CSMD3: variants seen among roughly 807,000 people sequenced by gnomAD.
CSMD3 encodes CUB and Sushi multiple domains 3, also known as CUB and sushi domain-containing protein 3.
In CSMD3, 177 loss-of-function variants were observed where a neutral mutation model predicts 435.2. That is an observed-to-expected ratio of 0.41 (90% CI 0.36 to 0.46). CSMD3 has a LOEUF of 0.46. Ranked by LOEUF, CSMD3 falls within the 20% of genes least tolerant of loss-of-function variation. The pLI is 0.34. For missense variants in CSMD3, 4,265 were observed against 4,504.6 expected (o/e 0.95, Z 1.52); for synonymous variants, 1,656 against 1,520.5 (o/e 1.09, Z -2.07).
chr8:112,587,374 T>C (rs963079892), intron 22 of CSMD3, 139 bp from the exon 23 acceptor site: 12 of 643,388 alleles, frequency 1.9e-5, no homozygotes, highest in Non-Finnish European at 3.1e-5. Flanking sequence ...GGCTTTATGT[T>C]GTAAATGATT....
At chr8:113,434,871 C>T (rs1274418176) in intron 1 of CSMD3, among the ~76,000 whole-genome samples, 1 of 152,164 alleles carries the variant, frequency 6.6e-6, no homozygotes, top group African/African-American at 2.4e-5. Context: ...GCTTCGGAGA[C>T]TTCCCTCCCC....
chr8:112,859,140 C>G lies in CSMD3; in HGVS notation c.1755+5G>C, dbSNP rs201442176. The G allele has an allele frequency of 6.2e-7, 1 of 1,609,350 alleles. No homozygotes were observed. Among genetic ancestry groups the G allele is most frequent in the Non-Finnish European group, 8.5e-7 (1 of 1,176,364 alleles). On this transcript the variant is annotated splice_donor_5th_base_variant and intron_variant, in intron 11 of 70. Transcript: ENST00000297405. ...TTTTTTAAATCACAGATGGTGTTCT[C>G]TTACCTTATTTGTATTCACTGCTGT...
chr8:112,893,524 G>T (rs2081862694), intron 10 of CSMD3, among the ~76,000 whole-genome samples: 1 of 151,470 alleles, frequency 6.6e-6, no homozygotes, highest in African/African-American at 2.4e-5. Flanking sequence ...CACTGGCTTA[G>T]ATAAAGTAAC....
rs999023371 is a variant in CSMD3, at chr8:112,776,081, A to C, written c.1972+24081T>G. Among the ~76,000 whole-genome samples the C allele has an allele frequency of 2.6e-5, 4 of 151,838 alleles. No individual in the cohort carries two copies. The South Asian group carries it at 8.3e-4, about 31-fold the overall frequency. On this transcript the variant is annotated intron_variant, in intron 13 of 70. Transcript: ENST00000297405. Reference sequence around the variant, plus strand: ...AGTAAGCCACATAAGGAGAAAATAGATTTTTCAGAGGACAGCTTATCTTTT... The same window carrying C: ...AGTAAGCCACATAAGGAGAAAATAGCTTTTTCAGAGGACAGCTTATCTTTT...
intron 13 of CSMD3, among the ~76,000 whole-genome samples, chr8:112,715,542 G>A (rs1266831858): frequency 1.3e-5 from 2 of 152,186 alleles, no homozygotes; most frequent in African/African-American, 4.8e-5. Context: ...CCAAAGAATT[G>A]AAAAGGAGAG....
chr8:113,075,995 G>A (rs17604488), intron 5 of CSMD3, among the ~76,000 whole-genome samples: 14,415 of 151,480 alleles, frequency 0.095, 886 homozygotes, highest in Middle Eastern at 0.17. Flanking sequence ...AATTTCTCTC[G>A]TATCTTCAAC....
In CSMD3 at chr8:112,506,752, T is replaced by G; in HGVS notation, c.4834A>C (p.Arg1612=). Residue 1612 remains arginine (R), a synonymous_variant, in exon 29 of 71, where the codon AGA becomes CGA. Coordinates refer to ENST00000297405, the MANE Select transcript of CSMD3 (RefSeq NM_198123.2). ...ACGGTGATAGTCCAGTCACAGTCTC[T>G]GCTATGCGGATATGGATGAGGGAAG... ...PNFPHPYPHS[R]DCDWTITVNA... 1 of 1,613,694 alleles carries G rather than the reference T, an allele frequency of 6.2e-7. No individual in the cohort carries two copies. The highest frequency in any genetic ancestry group is 8.5e-7 in the Non-Finnish European group (1 of 1,179,600).
At chr8:112,987,684 G>A (rs2085304486) in intron 6 of CSMD3, among the ~76,000 whole-genome samples, 1 of 152,044 alleles carries the variant, frequency 6.6e-6, no homozygotes, top group Non-Finnish European at 1.5e-5. Context: ...ATACAGTATA[G>A]CATGTAAACA....
At chr8:112,860,829 T>C (rs1313908207) in intron 10 of CSMD3, among the ~76,000 whole-genome samples, 1 of 151,872 alleles carries the variant, frequency 6.6e-6, no homozygotes, top group Non-Finnish European at 1.5e-5. Context: ...TTAAGTAGCA[T>C]AATTCTAAAT....
chr8:112,824,921 A>T (rs1475895072), intron 12 of CSMD3, among the ~76,000 whole-genome samples: 1 of 152,044 alleles, frequency 6.6e-6, no homozygotes, highest in African/African-American at 2.4e-5. Flanking sequence ...TTCCATTCTA[A>T]CCATCTCTTT....
At chr8:113,133,483 T>C (rs527453393) in intron 4 of CSMD3, among the ~76,000 whole-genome samples, 1 of 152,228 alleles carries the variant, frequency 6.6e-6, no homozygotes, top group South Asian at 2.1e-4. Context: ...GTCGGTGAGA[T>C]TGTAAAATGA....
chr8:112,977,658 C>G (rs1418188910), intron 6 of CSMD3, among the ~76,000 whole-genome samples: 1 of 151,920 alleles, frequency 6.6e-6, no homozygotes, highest in African/African-American at 2.4e-5. Flanking sequence ...TCTAGAAATT[C>G]AGAAGTATTA....
intron 32 of CSMD3, among the ~76,000 whole-genome samples, chr8:112,425,414 A>T (rs1159164352): frequency 6.6e-6 from 1 of 152,202 alleles, no homozygotes; most frequent in Non-Finnish European, 1.5e-5. Flanking sequence ...ACAAATCTAA[A>T]GGAAGCCTAT....
chr8:112,763,057 C>T (rs1335972365), intron 13 of CSMD3, among the ~76,000 whole-genome samples: 1 of 151,514 alleles, frequency 6.6e-6, no homozygotes, highest in Non-Finnish European at 1.5e-5. Context: ...GTGTTCTCAC[C>T]ACAAAAATGA....
intron 45 of CSMD3, among the ~76,000 whole-genome samples, chr8:112,320,400 C>T (rs954604586): frequency 6.6e-6 from 1 of 152,126 alleles, no homozygotes; most frequent in Non-Finnish European, 1.5e-5. Context: ...TCAGTGTTTA[C>T]TTTATTCCAG....
rs1332285834 is a variant in CSMD3 at position 112,254,266 on chromosome 8, G to A, written c.10097C>T (p.Thr3366Ile). The A allele has an allele frequency of 6.2e-7, 1 of 1,611,828 alleles. No individual in the cohort carries two copies. The highest frequency in any genetic ancestry group is 1.1e-5 in the South Asian group (1 of 91,060). ...TAAAGTACCCACTTGAAATCCGAATGTATTGTTCTGAGATCCATGCCGAGG... is the reference window on the plus strand; with the variant it reads ...TAAAGTACCCACTTGAAATCCGAATATATTGTTCTGAGATCCATGCCGAGG... ...GVPRHGSQNNTFGFQVGSVVQ... is the reference protein window; with the variant it reads ...GVPRHGSQNNIFGFQVGSVVQ... Residue 3366 changes from threonine (T) to isoleucine (I), a missense_variant, in exon 63 of 71, where the codon ACA becomes ATA. Coordinates refer to ENST00000297405, the MANE Select transcript of CSMD3 (RefSeq NM_198123.2).
At chr8:113,081,725 C>T (rs2089572334) in intron 5 of CSMD3, among the ~76,000 whole-genome samples, 1 of 152,118 alleles carries the variant, frequency 6.6e-6, no homozygotes, top group Non-Finnish European at 1.5e-5. Context: ...CTGCAGATTT[C>T]TCCCCAAACC....
chr8:113,201,383 C>A (rs2092714456), intron 3 of CSMD3, among the ~76,000 whole-genome samples: 2 of 151,952 alleles, frequency 1.3e-5, no homozygotes. Flanking sequence ...TAACAAATTT[C>A]AAAATTATGA....
At chr8:112,744,981 A>G (rs1012926118) in intron 13 of CSMD3, among the ~76,000 whole-genome samples, 23 of 152,136 alleles carry the variant, frequency 1.5e-4, no homozygotes, top group African/African-American at 5.3e-4. Context: ...ATTTACAAAT[A>G]TAACTCTGAA....
Sources: allele counts gnomAD v4.1 joint callset (sites outside exome capture counted in the v4.1 genomes callset), GRCh38; gene constraint gnomAD v4.1.1; transcripts MANE v1.5; gene names NCBI Gene and HGNC (gene_info 2026-07-23, HGNC 2026-07-21).